The following FREM2 variants were observed in gnomAD, a reference collection of about 807,000 sequenced individuals.
The protein encoded by FREM2 is FRAS1-related extracellular matrix protein 2.
Under a neutral mutation model 219.9 loss-of-function variants are expected in FREM2, and 119 were observed. The ratio of observed to expected loss-of-function variants is 0.54; its 90% CI spans 0.47 to 0.63. The LOEUF (loss-of-function observed/expected upper bound fraction) is 0.63, where lower values mean the gene tolerates loss of function less well. FREM2 is among the 30% of genes least tolerant of loss of function. The probability of loss-of-function intolerance (pLI) is 0.00; values close to 1 mark genes in which losing one functional copy is unlikely to be tolerated. For missense variants in FREM2, 4,030 were observed against 3,993.6 expected, an observed-to-expected ratio of 1.01 and a Z score of -0.25; for synonymous variants, 1,562 against 1,522.8, an observed-to-expected ratio of 1.03 and a Z score of -0.60.
rs575368271 is a variant in FREM2 at position 38,740,844 on chromosome 13, G to C, written c.5264-23460G>C. On this transcript the variant is annotated intron_variant, in intron 2 of 23. Coordinates refer to ENST00000280481, the MANE Select transcript of FREM2 (RefSeq NM_207361.6). Reference sequence around the variant, plus strand: ...CTTTTATTAGTGGTTACTGTTAGAAGAAGATAAGAATCAGGACTTGCTCAC... The same window carrying C: ...CTTTTATTAGTGGTTACTGTTAGAACAAGATAAGAATCAGGACTTGCTCAC... Among the ~76,000 whole-genome samples, 7 of 152,298 alleles carry C rather than the reference G, an allele frequency of 4.6e-5. No individual in the cohort carries two copies. The East Asian group carries it at 1.4e-3, about 29-fold the overall frequency.
intron 2 of FREM2, among the ~76,000 whole-genome samples, chr13:38,745,675 G>A (rs1872450978): frequency 6.6e-6 from 1 of 152,108 alleles, no homozygotes; most frequent in Non-Finnish European, 1.5e-5. Context: ...TTTATTGTTT[G>A]TTTGTTGTTG....
intron 3 of FREM2, among the ~76,000 whole-genome samples, chr13:38,767,803 T>C (rs1412119504): frequency 1.3e-5 from 2 of 152,184 alleles, no homozygotes; most frequent in African/African-American, 4.8e-5. Flanking sequence ...TTCTGTGCCC[T>C]TTTTTCTCTT....
chr13:38,705,192 G>A (rs1027712646), intron 2 of FREM2, among the ~76,000 whole-genome samples: 1 of 152,152 alleles, frequency 6.6e-6, no homozygotes, highest in African/African-American at 2.4e-5. Context: ...AAAGACAGAT[G>A]TCATATGGGA....
At chr13:38,845,972 G>C (rs1218705065) in intron 6 of FREM2, among the ~76,000 whole-genome samples, 1 of 152,078 alleles carries the variant, frequency 6.6e-6, no homozygotes, top group African/African-American at 2.4e-5. Flanking sequence ...GTCTCACTTG[G>C]TATAGAGCAT....
At position 38,848,571 on chromosome 13, in the gene FREM2, G is replaced by A. The variant is rs763364291; in HGVS notation, c.6280G>A (p.Gly2094Arg). ...LDDLGQPALEGIEKFELVLRM... is the reference protein window; with the variant it reads ...LDDLGQPALERIEKFELVLRM... The stretch of plus-strand genomic sequence containing the variant: ...TGACCTTGGACAACCAGCGCTGGAG[G>A]GAATTGAGAAATTTGAACTGGTGCT... Residue 2094 changes from glycine to arginine, a missense_variant, in exon 8 of 24, where the codon GGA becomes AGA. Physicochemically the swap from Gly to Arg is moderately radical, Grantham distance 125 (BLOSUM62 -2). Around this residue, in one of 2 missense-constraint regions of FREM2, gnomAD observed 3,102 missense variants for 2,950.7 expected, o/e 1.05. Transcript: ENST00000280481. The A allele has an allele frequency of 1.2e-5, 20 of 1,614,066 alleles. No homozygotes were observed. The highest frequency in any genetic ancestry group is 1.7e-5 in the Non-Finnish European group (20 of 1,179,976).
intron 2 of FREM2, among the ~76,000 whole-genome samples, chr13:38,726,849 G>T (rs569203950): frequency 6.6e-6 from 1 of 152,272 alleles, no homozygotes; most frequent in African/African-American, 2.4e-5. Flanking sequence ...TGAATACAAT[G>T]TACTTACAGC....
In FREM2 at chr13:38,764,403, A is replaced by G. The variant is rs766184059; in HGVS notation, c.5363A>G (p.Asp1788Gly). Residue 1788 changes from aspartate to glycine, a missense_variant, in exon 3 of 24, where the codon GAT becomes GGT. Asp to Gly is a moderately conservative substitution (Grantham distance 94). This residue lies in a region of FREM2 where 3,102 missense variants were observed against 2,950.7 expected (regional missense o/e 1.05). Transcript: ENST00000280481. ...GTCAATGAGGACTCCAAATTTCTAG[A>G]TGTTGTTCTTAAACGTAGAGGTTAC... ...YLVNEDSKFL[D>G]VVLKRRGYLG... The G allele has an allele frequency of 1.9e-6, 3 of 1,599,050 alleles. No homozygotes were observed. The highest frequency in any genetic ancestry group is 2.6e-6 in the Non-Finnish European group (3 of 1,167,086).
chr13:38,801,290 C>T (rs1387164963), intron 6 of FREM2, among the ~76,000 whole-genome samples: 3 of 152,070 alleles, frequency 2.0e-5, no homozygotes, highest in South Asian at 2.1e-4. Flanking sequence ...TTGTATCTCA[C>T]GGAGCTTCAT....
chr13:38,765,371 T>A (rs528656673), intron 3 of FREM2, among the ~76,000 whole-genome samples: 1 of 152,302 alleles, frequency 6.6e-6, no homozygotes, highest in African/African-American at 2.4e-5. Context: ...TTTATAGACA[T>A]CTAGACCAAT....
intron 2 of FREM2, among the ~76,000 whole-genome samples, chr13:38,699,764 A>T (rs903920433): frequency 6.6e-6 from 1 of 152,150 alleles, no homozygotes; most frequent in Non-Finnish European, 1.5e-5. Context: ...AAAAAGTCAC[A>T]TTGGTATCCC....
At chr13:38,804,250 T>C (rs971393900) in intron 6 of FREM2, among the ~76,000 whole-genome samples, 1 of 151,882 alleles carries the variant, frequency 6.6e-6, no homozygotes, top group African/African-American at 2.4e-5. Context: ...AGTCAGTTGA[T>C]GATTAGCAAG....
rs140101984 is a variant in FREM2, at chr13:38,689,711, G to A, written c.2367G>A (p.Pro789=). 1.6e-4 allele frequency: 264 copies of A among 1,613,912 alleles called. 1 individual carries two copies. The African/African-American group carries it at 2.9e-3, about 18-fold the overall frequency. Residue 789 remains proline (P), a synonymous_variant, in exon 1 of 24, where the codon CCG becomes CCA. Coordinates refer to ENST00000280481, the MANE Select transcript of FREM2 (RefSeq NM_207361.6). ...ATCATAAAATTGCTTACAGACCCCCGGGTCAAGAACTGGGCGTGGCTACTC... is the reference window on the plus strand; with the variant it reads ...ATCATAAAATTGCTTACAGACCCCCAGGTCAAGAACTGGGCGTGGCTACTC... ...INHHKIAYRP[P]GQELGVATRV...
chr13:38,858,728 T>G (rs763054010), intron 13 of FREM2, among the ~76,000 whole-genome samples: 1 of 152,170 alleles, frequency 6.6e-6, no homozygotes, highest in Non-Finnish European at 1.5e-5. Context: ...ATAGGGAGTT[T>G]TAAATGTCAT....
chr13:38,791,963 T>TA (rs1457134807), intron 6 of FREM2, among the ~76,000 whole-genome samples: 1 of 152,228 alleles, frequency 6.6e-6, no homozygotes, highest in Non-Finnish European at 1.5e-5. Flanking sequence ...TTTTGTCATT[T>TA]AATGGGAAGT....
At position 38,850,218 on chromosome 13, in the gene FREM2, T is replaced by A. The variant is rs370954726; in HGVS notation, c.6560T>A (p.Ile2187Asn). 67 of 1,613,738 alleles carry A rather than the reference T, an allele frequency of 4.2e-5. No individual in the cohort carries two copies. The highest frequency in any genetic ancestry group is 5.4e-5 in the Non-Finnish European group (64 of 1,179,814). The change falls in exon 9 of 24, where the codon ATC becomes AAC. Residue 2187 changes from isoleucine (I) to asparagine (N), a missense_variant. By Grantham distance (149) the Ile-to-Asn change is moderately radical. This residue lies in a region of FREM2 where 3,102 missense variants were observed against 2,950.7 expected (regional missense o/e 1.05). Coordinates refer to ENST00000280481, the MANE Select transcript of FREM2 (RefSeq NM_207361.6). ...FEERPNTDTS[I>N]ITFLPGETEK... is the part of the protein sequence containing the mutation. ...GAACGCCCAAACACTGATACCTCCA[T>A]CATCACATTCCTCCCTGGTAAGCTT...
chr13:38,838,504 C>T (rs1196927760), intron 6 of FREM2, among the ~76,000 whole-genome samples: 1 of 152,112 alleles, frequency 6.6e-6, no homozygotes, highest in Non-Finnish European at 1.5e-5. Context: ...TGAATGTTGG[C>T]CTGTCTTGCT....
chr13:38,775,714 A>G (rs900575534), intron 4 of FREM2, among the ~76,000 whole-genome samples: 41 of 152,256 alleles, frequency 2.7e-4, no homozygotes, highest in African/African-American at 9.4e-4. Context: ...CCGCCTCCCC[A>G]TTAAAGTGAT....
chr13:38,830,513 T>C (rs1319991741), intron 6 of FREM2, among the ~76,000 whole-genome samples: 1 of 152,196 alleles, frequency 6.6e-6, no homozygotes, highest in African/African-American at 2.4e-5. Context: ...CTTGGTTTGC[T>C]TTTTTTGCAA....
rs1566141143 is a variant in FREM2, at chr13:38,784,585, CGTGTT to C, written c.5799_5803del (p.Ser1935LeufsTer2). The C allele has an allele frequency of 1.2e-6, 2 of 1,614,152 alleles. No individual in the cohort carries two copies. Among genetic ancestry groups the C allele is most frequent in the Non-Finnish European group, 1.7e-6 (2 of 1,179,994 alleles). On this transcript the variant is annotated frameshift_variant, in exon 6 of 24. Transcript: ENST00000280481. LOFTEE classifies it high-confidence loss of function. Reference sequence around the variant, plus strand: ...CAGCAACTGGAACTGTGCCGACTTCCGTGTTGTCTTACTCTGATTACATATCCAGG... The same window carrying C: ...CAGCAACTGGAACTGTGCCGACTTCCGTCTTACTCTGATTACATATCCAGG...
Sources: allele counts gnomAD v4.1 joint callset (sites outside exome capture counted in the v4.1 genomes callset), GRCh38; gene constraint gnomAD v4.1.1; regional missense constraint gnomAD v4.1.1; transcripts MANE v1.5; gene names NCBI Gene and HGNC (gene_info 2026-07-23, HGNC 2026-07-21).